Variants in STK24 observed in about 807,000 individuals in gnomAD.
STK24 encodes serine/threonine-protein kinase 24.
Under a neutral mutation model 55.6 loss-of-function variants are expected in STK24, and 21 were observed. The ratio of observed to expected loss-of-function variants is 0.38; its 90% CI spans 0.27 to 0.54. The LOEUF (loss-of-function observed/expected upper bound fraction) is 0.54, where lower values mean the gene tolerates loss of function less well. STK24 is among the 20% of genes least tolerant of loss of function. The pLI is 0.79. For missense variants in STK24, 383 were observed against 538.4 expected (o/e 0.71, Z 2.86); for synonymous variants, 200 against 215.2 (o/e 0.93, Z 0.62).
intron 1 of STK24, among the ~76,000 whole-genome samples, chr13:98,551,996 A>C (rs1162497681): frequency 6.6e-6 from 1 of 152,176 alleles, no homozygotes; most frequent in Non-Finnish European, 1.5e-5. Context: ...AGGAAAAAAA[A>C]GTCAAATGGC....
intron 2 of STK24, among the ~76,000 whole-genome samples, chr13:98,517,184 A>T (rs1896097667): frequency 6.6e-6 from 1 of 152,252 alleles, no homozygotes; most frequent in East Asian, 1.9e-4. Flanking sequence ...ATAATAATTC[A>T]TATTAAAATA....
rs114479982 is a variant in STK24, at chr13:98,536,590, C to T, written c.43-17117G>A. 5.4e-3 allele frequency among the ~76,000 whole-genome samples: 818 copies of T among 152,110 alleles called. 9 individuals carry two copies. Among genetic ancestry groups the T allele is most frequent in the African/African-American group, 0.019 (768 of 41,484 alleles). ...TGTTGCCCAGGATGGTCTCTAACTCCAGGGCTCAAATGATCCTCTCACCCC... is the reference window on the plus strand; with the variant it reads ...TGTTGCCCAGGATGGTCTCTAACTCTAGGGCTCAAATGATCCTCTCACCCC... On this transcript the variant is annotated intron_variant, in intron 1 of 10. Coordinates refer to ENST00000539966, the MANE Select transcript of STK24 (RefSeq NM_001032296.4).
chr13:98,523,043 AC>A (rs1198902410), intron 1 of STK24, among the ~76,000 whole-genome samples: 1 of 152,178 alleles, frequency 6.6e-6, no homozygotes, highest in Non-Finnish European at 1.5e-5. Context: ...TTGTTAGGCC[AC>A]AGAGCCCCAT....
At chr13:98,561,057 T>C (rs185376398) in intron 1 of STK24, among the ~76,000 whole-genome samples, 1 of 152,234 alleles carries the variant, frequency 6.6e-6, no homozygotes, top group Admixed American at 6.5e-5. Flanking sequence ...TCAAGGAGTA[T>C]ATGTGTGGAC....
At chr13:98,455,112 A>ATACC (rs1893391492) in intron 10 of STK24, 1 of 152,360 alleles carries the variant, frequency 6.6e-6, no homozygotes, top group African/African-American at 2.4e-5. Flanking sequence ...AAAATGTAAA[A>ATACC]TACCTTATTG....
intron 9 of STK24, among the ~76,000 whole-genome samples, chr13:98,457,716 C>T (rs1893527539): frequency 6.6e-6 from 1 of 152,136 alleles, no homozygotes; most frequent in Admixed American, 6.5e-5. Flanking sequence ...GTGATCCGCC[C>T]GCCTCGGCCT....
At chr13:98,486,003 G>A (rs891165946) in intron 2 of STK24, among the ~76,000 whole-genome samples, 14 of 152,064 alleles carry the variant, frequency 9.2e-5, no homozygotes, top group Non-Finnish European at 1.6e-4. Context: ...AGAGGAGCAG[G>A]GACAGGAACA....
At position 98,501,018 on chromosome 13, in the gene STK24, CTT is replaced by C. The variant is rs1594616083; in HGVS notation, c.273+18223_273+18224del. Among the ~76,000 whole-genome samples the C allele has an allele frequency of 3.7e-3, 6 of 1,626 alleles. No individual in the cohort carries two copies. In the East Asian group the frequency reaches 0.097, roughly 26 times the overall value. The allele number at this position is 1,626 out of a possible 152,430, so 1.1% of individuals were successfully genotyped here. On this transcript the variant is annotated intron_variant, in intron 2 of 10. Coordinates refer to ENST00000539966, the MANE Select transcript of STK24 (RefSeq NM_001032296.4). ...TACACATTCAAGTTACTGTTTAAAA[CTT>C]TGAAATGAAATGAGAATATAAGGGG...
chr13:98,514,956 G>C (rs966301487), intron 2 of STK24, among the ~76,000 whole-genome samples: 1 of 151,888 alleles, frequency 6.6e-6, no homozygotes, highest in African/African-American at 2.4e-5. Flanking sequence ...GTATATCTGC[G>C]TTTCCTCAAG....
In STK24 at chr13:98,450,447, TAAGG is replaced by T. The variant is rs1893134303; in HGVS notation, c.*2722_*2725del. ...GCAATGCAGGGATAAAACTATTGGA[TAAGG>T]AAGGCAGATGCACTTCCAAGAAAAT... On this transcript the variant is annotated 3_prime_UTR_variant, in exon 11 of 11. Coordinates refer to ENST00000539966, the MANE Select transcript of STK24 (RefSeq NM_001032296.4). 1.3e-5 allele frequency: 2 copies of T among 152,186 alleles called. No individual in the cohort carries two copies. The highest frequency in any genetic ancestry group is 1.3e-4 in the Admixed American group (2 of 15,286). 9.4% of individuals were successfully genotyped at this position (152,186 alleles called of 1,614,324 possible).
At chr13:98,455,339 C>T (rs181501972) in intron 10 of STK24, 30 of 152,260 alleles carry the variant, frequency 2.0e-4, no homozygotes, top group African/African-American at 6.0e-4. Flanking sequence ...CTCCTCAGCT[C>T]GAACAATTCT....
chr13:98,569,417 A>AC (rs1428809936), intron 1 of STK24, among the ~76,000 whole-genome samples: 50 of 145,406 alleles, frequency 3.4e-4, no homozygotes, highest in African/African-American at 1.1e-3. Context: ...CAGAGACAAA[A>AC]AAAAAAAAAC....
At chr13:98,534,208 C>T (rs1415091068) in intron 1 of STK24, among the ~76,000 whole-genome samples, 1 of 152,224 alleles carries the variant, frequency 6.6e-6, no homozygotes, top group Non-Finnish European at 1.5e-5. Flanking sequence ...GTGTGGGGTA[C>T]TTTTCTTCAA....
Position 98,576,914 on chromosome 13 carries a change from G to T in STK24, c.-128C>A. On this transcript the variant is annotated 5_prime_UTR_variant, in exon 1 of 11. In the 5' UTR this introduces an upstream ATG that the reference lacks. Coordinates refer to ENST00000539966, the MANE Select transcript of STK24 (RefSeq NM_001032296.4). The stretch of plus-strand genomic sequence containing the variant: ...CCGGCCGGAGCCCGAGGCCACCCCA[G>T]CCCTGGCGGGTCCCGGCCGGGCGGC... 1 of 469,228 alleles carries T rather than the reference G, an allele frequency of 2.1e-6. No homozygotes were observed. Among genetic ancestry groups the T allele is most frequent in the Non-Finnish European group, 2.8e-6 (1 of 361,354 alleles). The allele number at this position is 469,228 out of a possible 1,614,324, so 29.1% of individuals were successfully genotyped here.
intron 5 of STK24, among the ~76,000 whole-genome samples, chr13:98,473,658 T>TG (rs1475527152): frequency 6.6e-6 from 1 of 151,984 alleles, no homozygotes; most frequent in East Asian, 1.9e-4. Context: ...TGTGGGTATG[T>TG]GGGGGGTGGG....
At chr13:98,556,472 T>C (rs1458530981) in intron 1 of STK24, among the ~76,000 whole-genome samples, 1 of 152,188 alleles carries the variant, frequency 6.6e-6, no homozygotes, top group East Asian at 1.9e-4. Context: ...CTCCCCTTCT[T>C]CTTTTTGCTT....
intron 1 of STK24, among the ~76,000 whole-genome samples, chr13:98,562,843 G>A (rs1897461995): frequency 6.7e-6 from 1 of 150,302 alleles, no homozygotes; most frequent in Non-Finnish European, 1.5e-5. Context: ...ATGAACCCAG[G>A]AGGCAGAAGT....
rs1013133565 is a variant in STK24, at chr13:98,576,816, G to C, written c.-30C>G. 1 of 1,284,808 alleles carries C rather than the reference G, an allele frequency of 7.8e-7. No homozygotes were observed. Among genetic ancestry groups the C allele is most frequent in the African/African-American group, 1.6e-5 (1 of 63,774 alleles). The allele number at this position is 1,284,808 out of a possible 1,614,324, so 79.6% of individuals were successfully genotyped here. A position where few individuals can be genotyped will look rare whatever the true frequency, so the allele number is the denominator to read the frequency against. On this transcript the variant is annotated 5_prime_UTR_variant, in exon 1 of 11. Coordinates refer to ENST00000539966, the MANE Select transcript of STK24 (RefSeq NM_001032296.4). ...CTCAGGACGGCCACTTCCTGGGACG[G>C]GACGGCCGGGCCGCGACGATCCGCG... is the stretch of plus-strand genomic sequence containing the variant.
intron 2 of STK24, among the ~76,000 whole-genome samples, chr13:98,507,147 T>C (rs1297849309): frequency 1.3e-5 from 2 of 152,200 alleles, no homozygotes; most frequent in African/African-American, 2.4e-5. Context: ...CTTTGTAAAA[T>C]GGCTGAACTA....
Sources: allele counts gnomAD v4.1 joint callset (sites outside exome capture counted in the v4.1 genomes callset), GRCh38; gene constraint gnomAD v4.1.1; transcripts MANE v1.5; gene names NCBI Gene and HGNC (gene_info 2026-07-23, HGNC 2026-07-21).